ZNF680: variants seen among roughly 807,000 people sequenced by gnomAD.
ZNF680 encodes zinc finger protein 680.
ZNF680 carries 6 observed loss-of-function variants against 12.1 expected under a neutral mutation model. The observed-to-expected ratio is 0.49, with a 90% confidence interval of 0.27 to 0.98. The LOEUF (loss-of-function observed/expected upper bound fraction) is 0.98. Among genes scored for constraint, ZNF680 ranks in the 50% least tolerant of loss-of-function variants. The pLI, the probability that ZNF680 is intolerant of heterozygous loss-of-function variation, is 0.12. For missense variants in ZNF680, 561 were observed against 616.3 expected, an observed-to-expected ratio of 0.91 and a Z score of 0.95; for synonymous variants, 170 against 199.3, an observed-to-expected ratio of 0.85 and a Z score of 1.24.
Position 64,521,251 on chromosome 7 carries a change from C to T in ZNF680, c.1503G>A (p.Arg501=). The T allele has an allele frequency of 6.2e-7, 1 of 1,613,516 alleles. No homozygotes were observed. Among genetic ancestry groups the T allele is most frequent in the Non-Finnish European group, 8.5e-7 (1 of 1,179,630 alleles). ...TCTTATGTCTAGTAAGGTGTGAGGA[C>T]CGGTTAAAAGCTTTGCCACATTCTT... ...KCEECGKAFN[R]SSHLTRHKKI... Residue 501 remains arginine (R), a synonymous_variant, in exon 4 of 4, where the codon CGG becomes CGA. Transcript: ENST00000309683.
intron 3 of ZNF680, among the ~76,000 whole-genome samples, chr7:64,540,303 C>CTTTTTTTTTTTTTTTTTTTTTTTTTTTTT (rs61265238): frequency 7.7e-6 from 1 of 129,152 alleles, no homozygotes; most frequent in African/African-American, 3.1e-5. Context: ...CTGATTTATC[C>CTTTTTTTTTTTTTTTTTTTTTTTTTTTTT]TTTTTTTTTT....
chr7:64,522,171 A>G lies in ZNF680; in HGVS notation c.583T>C (p.Ser195Pro). The change falls in exon 4 of 4, where the codon TCA becomes CCA. Residue 195 changes from serine to proline, a missense_variant. Transcript: ENST00000309683. ...ATTCTTATATGTTGTGTTAGATGTG[A>G]AAGCATGCAAAATGATTTGCCACAT... ...KECGKSFCMLSHLTQHIRIHT... is the reference protein window; with the variant it reads ...KECGKSFCMLPHLTQHIRIHT... 6.2e-7 allele frequency: 1 copy of G among 1,613,064 alleles called. No individual in the cohort carries two copies. Among genetic ancestry groups the G allele is most frequent in the Non-Finnish European group, 8.5e-7 (1 of 1,179,432 alleles).
At position 64,544,446 on chromosome 7, in the gene ZNF680, AC is replaced by A. The variant is rs796427400; in HGVS notation, c.31-15del. On this transcript the variant is annotated splice_polypyrimidine_tract_variant and intron_variant, in intron 1 of 3. Coordinates refer to ENST00000309683, the MANE Select transcript of ZNF680 (RefSeq NM_178558.5). ...TGTCAGTGGTCCCTGAAAAACACAC[AC>A]ACACACACACACACACACACACACT... is the stretch of plus-strand genomic sequence containing the variant. 1 of 1,449,200 alleles carries A rather than the reference AC, an allele frequency of 6.9e-7. No homozygotes were observed. The highest frequency in any genetic ancestry group is 9.5e-7 in the Non-Finnish European group (1 of 1,056,532). The allele number at this position is 1,449,200 out of a possible 1,614,324, so 89.8% of individuals were successfully genotyped here. A position where few individuals can be genotyped will look rare whatever the true frequency, so the allele number is the denominator to read the frequency against.
At chr7:64,519,721 G>A (rs1200863730), downstream of ZNF680, among the ~76,000 whole-genome samples, 1 of 151,696 alleles carries the variant, frequency 6.6e-6, no homozygotes, top group East Asian at 1.9e-4. Flanking sequence ...CAGTTAATCT[G>A]GAGGACAGCA....
intron 3 of ZNF680, among the ~76,000 whole-genome samples, chr7:64,530,516 T>C (rs1203514644): frequency 2.0e-5 from 3 of 152,278 alleles, no homozygotes; most frequent in East Asian, 3.9e-4. Context: ...GTAGCTATTC[T>C]TGTATCAGAC....
chr7:64,501,130 ATGTATGGG>A, the ZNF680 span: 2 of 956,632 alleles, frequency 2.1e-6, no homozygotes. Context: ...ATCTGCAGCG[ATGTATGGG>A]TCAGTAACAG....
chr7:64,539,351 C>CAAAAAAA (rs1170166478), intron 3 of ZNF680, among the ~76,000 whole-genome samples: 2,116 of 48,310 alleles, frequency 0.044, 82 homozygotes, highest in African/African-American at 0.05. Context: ...AACTTCGTCT[C>CAAAAAAA]AAAAAAAAAA....
chr7:64,537,970 C>T (rs902111348), intron 3 of ZNF680, among the ~76,000 whole-genome samples: 1 of 151,758 alleles, frequency 6.6e-6, no homozygotes, highest in African/African-American at 2.4e-5. Context: ...GAATAGAGAG[C>T]CCAGAAAAGA....
intron 1 of ZNF680, among the ~76,000 whole-genome samples, 155 bp downstream of exon 1, chr7:64,562,770 G>A (rs1271843786): frequency 6.6e-6 from 1 of 152,212 alleles, no homozygotes; most frequent in Non-Finnish European, 1.5e-5. Context: ...GCCATCTTAT[G>A]GCTGAAGGGG....
the ZNF680 span, among the ~76,000 whole-genome samples, chr7:64,508,167 CAG>C: frequency 9.5e-6 from 1 of 104,996 alleles, no homozygotes; most frequent in African/African-American, 6.0e-5. Context: ...TTTTTTGAGA[CAG>C]AGTCTTGCTC....
chr7:64,556,883 A>G (rs961098332), intron 1 of ZNF680, among the ~76,000 whole-genome samples: 1 of 152,218 alleles, frequency 6.6e-6, no homozygotes, highest in African/African-American at 2.4e-5. Context: ...CTACACAATA[A>G]AAAGAAAATA....
intron 1 of ZNF680, among the ~76,000 whole-genome samples, chr7:64,558,210 C>T (rs1290820529): frequency 6.6e-6 from 1 of 151,884 alleles, no homozygotes; most frequent in African/African-American, 2.4e-5. Context: ...GATTCAGTGT[C>T]TGGGGGTGGG....
intron 1 of ZNF680, 31 bp downstream of exon 1, chr7:64,562,894 C>G (rs76795196): frequency 6.2e-7 from 1 of 1,613,338 alleles, no homozygotes; most frequent in South Asian, 1.1e-5. Flanking sequence ...AGCCCCTCCC[C>G]CTCTCTCGGG....
At chr7:64,517,610 C>T (rs1791381240), downstream of ZNF680, among the ~76,000 whole-genome samples, 1 of 151,970 alleles carries the variant, frequency 6.6e-6, no homozygotes, top group African/African-American at 2.4e-5. Context: ...GCCAGCATCA[C>T]CCTAATACCA....
At chr7:64,511,851 T>C in the ZNF680 span, among the ~76,000 whole-genome samples, 1 of 148,582 alleles carries the variant, frequency 6.7e-6, no homozygotes, top group Non-Finnish European at 1.5e-5. Context: ...CTGAGGTCAG[T>C]AGTTTGAGAC....
intron 1 of ZNF680, among the ~76,000 whole-genome samples, chr7:64,545,207 T>C (rs1452976584): frequency 7.3e-6 from 1 of 136,178 alleles, no homozygotes; most frequent in East Asian, 2.3e-4. Context: ...GAGGTTGCAG[T>C]GAACTGAGAC....
At position 64,544,372 on chromosome 7, in the gene ZNF680, C is replaced by T. The variant is rs776948111; in HGVS notation, c.91G>A (p.Asp31Asn). 4.6e-5 allele frequency: 73 copies of T among 1,604,234 alleles called. No individual in the cohort carries two copies. Among genetic ancestry groups the T allele is most frequent in the Non-Finnish European group, 6.2e-5 (73 of 1,174,128 alleles). ...CTATATAAATTCCGTTGTGCAGTGT[C>T]CAGGCATTGCCACTCCTCCAGAGAG... is the stretch of plus-strand genomic sequence containing the variant. The part of the protein sequence containing the change: ...EFSLEEWQCL[D>N]TAQRNLYRKV... The change falls in exon 2 of 4, where the codon GAC (aspartate) becomes AAC (asparagine). Residue 31 changes from aspartate to asparagine, a missense_variant. Transcript: ENST00000309683.
At chr7:64,504,858 T>G in the ZNF680 span, among the ~76,000 whole-genome samples, 1 of 152,196 alleles carries the variant, frequency 6.6e-6, no homozygotes, top group East Asian at 1.9e-4. Flanking sequence ...TTTTACCCAT[T>G]AGTTTTATAT....
chr7:64,527,990 G>A (rs1448197651), intron 3 of ZNF680, among the ~76,000 whole-genome samples: 1 of 152,184 alleles, frequency 6.6e-6, no homozygotes, highest in Non-Finnish European at 1.5e-5. Context: ...TATACAAACT[G>A]CAGAAGTGGA....
Sources: allele counts gnomAD v4.1 joint callset (sites outside exome capture counted in the v4.1 genomes callset), GRCh38; gene constraint gnomAD v4.1.1; transcripts MANE v1.5; gene names NCBI Gene and HGNC (gene_info 2026-07-23, HGNC 2026-07-21).